Variants in DNMBP observed in about 807,000 individuals in gnomAD.
DNMBP encodes dynamin binding protein.
A neutral mutation model predicts 150.0 loss-of-function variants in DNMBP; 87 were observed. The observed-to-expected ratio is 0.58, with a 90% CI of 0.49 to 0.69. The LOEUF is 0.69. Among genes scored for constraint, DNMBP ranks in the 30% least tolerant of loss-of-function variants. The pLI, the probability that DNMBP is intolerant of heterozygous loss-of-function variation, is 0.00. For synonymous variants in DNMBP, 711 were observed against 750.4 expected (o/e 0.95, Z 0.86); for missense variants, 1,774 against 1,949.0 (o/e 0.91, Z 1.69).
chr10:99,942,118 C>T (rs1282577662), intron 4 of DNMBP, among the ~76,000 whole-genome samples: 1 of 152,158 alleles, frequency 6.6e-6, no homozygotes, highest in Non-Finnish European at 1.5e-5. Context: ...ATCTAACATA[C>T]TCTCATTCTT....
At chr10:99,959,106 A>G (rs1009691542) in intron 3 of DNMBP, among the ~76,000 whole-genome samples, 3 of 152,242 alleles carry the variant, frequency 2.0e-5, no homozygotes, top group African/African-American at 7.2e-5. Flanking sequence ...AGTAAGTTGA[A>G]CATTAAAAAT....
intron 2 of DNMBP, among the ~76,000 whole-genome samples, chr10:99,971,482 G>C (rs915661309): frequency 7.2e-5 from 11 of 151,818 alleles, no homozygotes; most frequent in African/African-American, 2.7e-4. Flanking sequence ...GGGATTATAA[G>C]CATGACCCAC....
chr10:99,983,431 C>G lies in DNMBP; in HGVS notation c.-10-11297G>C, dbSNP rs535680375. Among the ~76,000 whole-genome samples the G allele has an allele frequency of 7.2e-5, 11 of 152,276 alleles. No homozygotes were observed. The South Asian group carries it at 2.3e-3, about 32-fold the overall frequency. ...TCAGGAAGGAAGGAAATGAGAGAAGCTAGGAAAACAGCACTTCCTCCTATG... is the reference window on the plus strand; with the variant it reads ...TCAGGAAGGAAGGAAATGAGAGAAGGTAGGAAAACAGCACTTCCTCCTATG... On this transcript the variant is annotated intron_variant, in intron 1 of 16. Coordinates refer to ENST00000324109, the MANE Select transcript of DNMBP (RefSeq NM_015221.4).
Position 99,886,198 on chromosome 10 carries a change from A to G in DNMBP, c.3618+102T>C, listed in dbSNP as rs1413801629. 18 of 966,342 alleles carry G rather than the reference A, an allele frequency of 1.9e-5. No homozygotes were observed. In the East Asian group the frequency reaches 4.2e-4, roughly 23 times the overall value. 59.9% of individuals were successfully genotyped at this position (966,342 alleles called of 1,614,324 possible). A position where few individuals can be genotyped will look rare whatever the true frequency, so the allele number is the denominator to read the frequency against. ...GATGAACTAGCGACACATTCAGTTT[A>G]TCTAATTCAGATAATTTTTCAAACC... On this transcript the variant is annotated intron_variant, in intron 13 of 16. Coordinates refer to ENST00000324109, the MANE Select transcript of DNMBP (RefSeq NM_015221.4).
chr10:99,959,449 T>C (rs1382509873), intron 3 of DNMBP, among the ~76,000 whole-genome samples: 2 of 151,946 alleles, frequency 1.3e-5, no homozygotes, highest in African/African-American at 4.8e-5. Flanking sequence ...CTGTGCTACT[T>C]GCACTCCAGC....
intron 1 of DNMBP, among the ~76,000 whole-genome samples, chr10:99,981,126 A>C (rs2040776546): frequency 6.6e-6 from 1 of 152,218 alleles, no homozygotes; most frequent in African/African-American, 2.4e-5. Context: ...AATAAAAAAA[A>C]ATTTTAAGGT....
chr10:99,914,951 T>C (rs1230760760), intron 4 of DNMBP, among the ~76,000 whole-genome samples: 1 of 151,090 alleles, frequency 6.6e-6, no homozygotes, highest in East Asian at 1.9e-4. Context: ...AAAATTAGCC[T>C]GGTGTGGTGG....
chr10:99,902,092 G>A (rs578243583), intron 6 of DNMBP, among the ~76,000 whole-genome samples: 50 of 151,838 alleles, frequency 3.3e-4, no homozygotes, highest in Non-Finnish European at 4.7e-4. Context: ...GTTTCGGCAC[G>A]TTGGTCAGGC....
At chr10:99,916,114 T>C (rs2039962456) in intron 4 of DNMBP, among the ~76,000 whole-genome samples, 1 of 152,224 alleles carries the variant, frequency 6.6e-6, no homozygotes, top group Non-Finnish European at 1.5e-5. Flanking sequence ...CATTTAAGCA[T>C]ATTTGCACAT....
At chr10:99,973,694 T>C (rs576614407) in intron 1 of DNMBP, among the ~76,000 whole-genome samples, 41 of 152,294 alleles carry the variant, frequency 2.7e-4, no homozygotes, top group Non-Finnish European at 4.6e-4. Flanking sequence ...GGAAAACCTG[T>C]TGGGGACTGG....
intron 4 of DNMBP, among the ~76,000 whole-genome samples, chr10:99,922,816 C>T (rs1214609499): frequency 4.6e-5 from 7 of 152,122 alleles, no homozygotes; most frequent in Non-Finnish European, 7.3e-5. Context: ...TCAGTTATCT[C>T]CCAACTCTTG....
chr10:99,985,433 T>C (rs2040818737), intron 1 of DNMBP, among the ~76,000 whole-genome samples: 1 of 152,190 alleles, frequency 6.6e-6, no homozygotes, highest in South Asian at 2.1e-4. Context: ...GAACTCAGTG[T>C]CCTTCTTTTT....
In DNMBP at chr10:99,891,199, C is replaced by T. The variant is rs1200236125; in HGVS notation, c.3157-2246G>A. On this transcript the variant is annotated intron_variant, in intron 11 of 16. Transcript: ENST00000324109. The stretch of plus-strand genomic sequence containing the variant: ...CTCCCCCTCTCCCTCTCCCCACCGT[C>T]TCCCTCTCTTTCCACGGTCTCCCTC... Among the ~76,000 whole-genome samples the T allele has an allele frequency of 2.0e-5, 3 of 147,368 alleles. 1 individual carries two copies.
Position 99,950,439 on chromosome 10 carries a change from C to T in DNMBP, c.2260+4775G>A, listed in dbSNP as rs187707500. ...ACTGACTTTGGAACTGGGTAACAGG[C>T]GGAGGCTGGAACAATTTGGAGGGCT... On this transcript the variant is annotated intron_variant, in intron 4 of 16. Coordinates refer to ENST00000324109, the MANE Select transcript of DNMBP (RefSeq NM_015221.4). Among the ~76,000 whole-genome samples the T allele has an allele frequency of 2.0e-3, 310 of 152,144 alleles. 2 individuals are homozygous for T. The highest frequency in any genetic ancestry group is 6.3e-3 in the African/African-American group (260 of 41,524).
At chr10:99,882,102 T>G (rs2039376320) in intron 15 of DNMBP, among the ~76,000 whole-genome samples, 1 of 151,972 alleles carries the variant, frequency 6.6e-6, no homozygotes, top group Admixed American at 6.6e-5. Flanking sequence ...ACACGTTAAG[T>G]GAAATGAGCC....
At position 99,915,108 on chromosome 10, in the gene DNMBP, A is replaced by AAAAAT. The variant is rs10654940; in HGVS notation, c.2261-5963_2261-5962insATTTT. ...AAACTCTGTCTCAAAAAAAAAAAAA[A>AAAAAT]ATATATATATATATATATATACACA... On this transcript the variant is annotated intron_variant, in intron 4 of 16. Transcript: ENST00000324109. 2.3e-3 allele frequency among the ~76,000 whole-genome samples: 232 copies of AAAAAT among 99,788 alleles called. 2 individuals carry two copies. The highest frequency in any genetic ancestry group is 5.8e-3 in the African/African-American group (132 of 22,664). The allele number at this position is 99,788 out of a possible 152,430, so 65.5% of individuals were successfully genotyped here.
chr10:99,968,412 C>T (rs956128615), intron 3 of DNMBP, among the ~76,000 whole-genome samples: 7 of 152,100 alleles, frequency 4.6e-5, no homozygotes, highest in Admixed American at 1.3e-4. Context: ...GTTGGTCAGG[C>T]GCAGTGACTC....
At chr10:99,877,886 A>G (rs192104709) in intron 16 of DNMBP, among the ~76,000 whole-genome samples, 445 of 152,224 alleles carry the variant, frequency 2.9e-3, no homozygotes, top group Non-Finnish European at 5.3e-3. Flanking sequence ...CCAATTTGGG[A>G]GGCTGAGGGC....
intron 1 of DNMBP, among the ~76,000 whole-genome samples, chr10:99,983,702 G>A (rs2040801977): frequency 6.6e-6 from 1 of 152,244 alleles, no homozygotes; most frequent in Non-Finnish European, 1.5e-5. Flanking sequence ...GGTACAGAAT[G>A]TCGAACTGGA....
Sources: allele counts gnomAD v4.1 joint callset (sites outside exome capture counted in the v4.1 genomes callset), GRCh38; gene constraint gnomAD v4.1.1; transcripts MANE v1.5; gene names NCBI Gene and HGNC (gene_info 2026-07-23, HGNC 2026-07-21).